Variants in MICU1 observed in about 807,000 individuals in gnomAD.
MICU1 encodes the protein mitochondrial calcium uptake 1.
MICU1 carries 45 observed loss-of-function variants against 56.8 expected under a neutral mutation model. The ratio of observed to expected loss-of-function variants is 0.79; its 90% confidence interval spans 0.62 to 1.02. MICU1 has a LOEUF of 1.02. Among genes scored for constraint, MICU1 ranks in the 50% least tolerant of loss-of-function variants. The probability of loss-of-function intolerance (pLI) is 0.00; values close to 1 mark genes in which losing one functional copy is unlikely to be tolerated. For missense variants in MICU1, 504 were observed against 587.1 expected (o/e 0.86, Z 1.46); for synonymous variants, 186 against 195.1 (o/e 0.95, Z 0.39).
At chr10:72,498,458 T>C (rs1041434618) in intron 6 of MICU1, among the ~76,000 whole-genome samples, 1 of 152,084 alleles carries the variant, frequency 6.6e-6, no homozygotes, top group Non-Finnish European at 1.5e-5. Context: ...TGGTGATGCG[T>C]GCCTGTAGTC....
At chr10:72,523,672 CAGTTT>C in intron 5 of MICU1, 1 of 548,232 alleles carries the variant, frequency 1.8e-6, no homozygotes, top group Non-Finnish European at 2.8e-6. Flanking sequence ...TACTACAACT[CAGTTT>C]AATTTATATT....
intron 1 of MICU1, among the ~76,000 whole-genome samples, chr10:72,606,793 A>G (rs140457389): frequency 1.6e-4 from 25 of 152,188 alleles, no homozygotes; most frequent in Admixed American, 3.3e-4. Flanking sequence ...TGGTACTTTC[A>G]GTCTGGGTGG....
chr10:72,567,090 T>C (rs1363518858), intron 1 of MICU1, among the ~76,000 whole-genome samples: 1 of 152,148 alleles, frequency 6.6e-6, no homozygotes, highest in Non-Finnish European at 1.5e-5. Flanking sequence ...GGCTCATGCC[T>C]GTAATCTTAG....
intron 5 of MICU1, among the ~76,000 whole-genome samples, chr10:72,527,507 C>T (rs1370379831): frequency 6.6e-6 from 1 of 152,108 alleles, no homozygotes; most frequent in Non-Finnish European, 1.5e-5. Context: ...AAACTATAGG[C>T]ATGCATCACC....
At chr10:72,412,423 G>A (rs754067567) in intron 9 of MICU1, among the ~76,000 whole-genome samples, 19 of 152,144 alleles carry the variant, frequency 1.2e-4, no homozygotes, top group African/African-American at 1.4e-4. Flanking sequence ...TATATAAACC[G>A]GGCTCTAGGT....
intron 4 of MICU1, among the ~76,000 whole-genome samples, chr10:72,544,303 G>A (rs962572047): frequency 1.7e-4 from 26 of 152,276 alleles, no homozygotes; most frequent in African/African-American, 5.1e-4. Flanking sequence ...GCTCCCGGCC[G>A]AATAAAGCTC....
At chr10:72,454,128 G>A (rs1397321808) in intron 8 of MICU1, among the ~76,000 whole-genome samples, 4 of 151,810 alleles carry the variant, frequency 2.6e-5, no homozygotes, top group Non-Finnish European at 5.9e-5. Flanking sequence ...TACCCCGCCG[G>A]GCCCCAACAT....
intron 1 of MICU1, among the ~76,000 whole-genome samples, chr10:72,593,800 T>C (rs563998890): frequency 6.6e-6 from 1 of 152,310 alleles, no homozygotes; most frequent in South Asian, 2.1e-4. Flanking sequence ...ATAAAATCTT[T>C]AGGTATTAAC....
intron 10 of MICU1, among the ~76,000 whole-genome samples, chr10:72,395,776 G>C (rs1863235651): frequency 6.6e-6 from 1 of 152,198 alleles, no homozygotes; most frequent in South Asian, 2.1e-4. Context: ...AAAGCAGCTG[G>C]GAAGCTCAAA....
At chr10:72,537,196 T>C (rs1189685126) in intron 4 of MICU1, among the ~76,000 whole-genome samples, 1 of 152,222 alleles carries the variant, frequency 6.6e-6, no homozygotes, top group African/African-American at 2.4e-5. Context: ...TATTTCACCT[T>C]GTTATGTTTT....
At chr10:72,442,286 G>A (rs1391775887) in intron 8 of MICU1, among the ~76,000 whole-genome samples, 1 of 151,992 alleles carries the variant, frequency 6.6e-6, no homozygotes, top group East Asian at 1.9e-4. Flanking sequence ...GGGACTGCAG[G>A]TGCACACCAC....
chr10:72,585,217 G>A (rs1314449717), intron 1 of MICU1, among the ~76,000 whole-genome samples: 1 of 151,694 alleles, frequency 6.6e-6, no homozygotes, highest in Non-Finnish European at 1.5e-5. Context: ...CTCCCGAGCA[G>A]CTGGGATTAC....
chr10:72,580,551 A>T (rs1840871973), intron 1 of MICU1, among the ~76,000 whole-genome samples: 1 of 152,192 alleles, frequency 6.6e-6, no homozygotes, highest in Non-Finnish European at 1.5e-5. Flanking sequence ...ATCTTGGCTC[A>T]CCACAACCTC....
chr10:72,456,900 TGTTTTG>T (rs1204884752), intron 8 of MICU1, among the ~76,000 whole-genome samples: 2 of 119,052 alleles, frequency 1.7e-5, no homozygotes, highest in Admixed American at 8.2e-5. Flanking sequence ...TGTGTGTGTG[TGTTTTG>T]TTTGTTTTTG....
intron 6 of MICU1, among the ~76,000 whole-genome samples, chr10:72,492,714 G>A (rs1304259236): frequency 6.7e-6 from 1 of 149,688 alleles, no homozygotes; most frequent in African/African-American, 2.5e-5. Flanking sequence ...AGTGAGCAGA[G>A]ATCATGCCAC....
chr10:72,543,465 GGAGTTCCA>G (rs1839822402), intron 4 of MICU1, among the ~76,000 whole-genome samples: 1 of 152,066 alleles, frequency 6.6e-6, no homozygotes, highest in Non-Finnish European at 1.5e-5. Context: ...CGTGAGCCCA[GGAGTTCCA>G]GATCAGCCTG....
intron 8 of MICU1, among the ~76,000 whole-genome samples, chr10:72,445,953 T>G (rs1270809905): frequency 6.6e-6 from 1 of 152,142 alleles, no homozygotes; most frequent in African/African-American, 2.4e-5. Context: ...CATTTACTTT[T>G]TTTTTTTCTT....
intron 1 of MICU1, among the ~76,000 whole-genome samples, chr10:72,602,335 C>G (rs1314441270): frequency 1.3e-5 from 2 of 151,690 alleles, no homozygotes; most frequent in Non-Finnish European, 2.9e-5. Flanking sequence ...CCTGTAATCC[C>G]AGCTACTCGG....
intron 4 of MICU1, among the ~76,000 whole-genome samples, chr10:72,544,875 A>C (rs928401108): frequency 1.3e-5 from 2 of 152,220 alleles, no homozygotes; most frequent in Non-Finnish European, 2.9e-5. Flanking sequence ...TCTAAAGTTC[A>C]TCTGCTCCCC....
Sources: gnomAD v4.1 joint callset for allele counts (sites outside exome capture counted in the v4.1 genomes callset) on GRCh38, gnomAD v4.1.1 for gene constraint, MANE v1.5 for transcripts, NCBI Gene and HGNC (gene_info 2026-07-23, HGNC 2026-07-21) for gene names.